ARMH3: variants seen among roughly 807,000 people sequenced by gnomAD.
ARMH3 encodes the protein armadillo like helical domain containing 3.
A neutral mutation model predicts 99.1 loss-of-function variants in ARMH3; 60 were observed. That is an observed-to-expected ratio of 0.61 (90% CI 0.49 to 0.75). ARMH3 has a LOEUF of 0.75. Ranked by LOEUF, ARMH3 falls within the 30% of genes least tolerant of loss-of-function variation. The pLI, the probability that ARMH3 is intolerant of heterozygous loss-of-function variation, is 0.00. For synonymous variants in ARMH3, 285 were observed against 292.8 expected (o/e 0.97, Z 0.27); for missense variants, 679 against 843.1 (o/e 0.81, Z 2.41).
At chr10:101,898,199 T>A (rs971897040) in intron 23 of ARMH3, among the ~76,000 whole-genome samples, 5 of 150,190 alleles carry the variant, frequency 3.3e-5, no homozygotes, top group African/African-American at 4.9e-5. Context: ...TTTTTTTTTT[T>A]AAAATTAGCT....
chr10:101,879,950 G>A (rs997075777), intron 24 of ARMH3, among the ~76,000 whole-genome samples: 9 of 152,158 alleles, frequency 5.9e-5, no homozygotes, highest in East Asian at 5.8e-4. Flanking sequence ...CACTTCTGAC[G>A]TGTCTTTCTG....
At chr10:102,000,076 G>A (rs2066317014) in intron 15 of ARMH3, among the ~76,000 whole-genome samples, 1 of 151,674 alleles carries the variant, frequency 6.6e-6, no homozygotes. Context: ...GCAAGATTCT[G>A]TCTCAAAAAA....
intron 24 of ARMH3, among the ~76,000 whole-genome samples, chr10:101,859,151 A>G (rs2066802693): frequency 1.3e-5 from 2 of 152,218 alleles, no homozygotes; most frequent in Admixed American, 6.5e-5. Context: ...AACACTAAGT[A>G]TGGTTTGGAG....
intron 8 of ARMH3, among the ~76,000 whole-genome samples, chr10:102,019,706 T>C (rs1590192355): frequency 6.6e-6 from 1 of 151,904 alleles, no homozygotes; most frequent in Non-Finnish European, 1.5e-5. Flanking sequence ...GGCGGGCGGA[T>C]CACAAGGTCA....
intron 24 of ARMH3, among the ~76,000 whole-genome samples, chr10:101,874,717 G>A (rs1289743870): frequency 6.6e-6 from 1 of 152,176 alleles, no homozygotes; most frequent in African/African-American, 2.4e-5. Context: ...ACTGAGGCAA[G>A]AATGAGAGAT....
chr10:101,896,071 CA>C (rs775081391), intron 23 of ARMH3, among the ~76,000 whole-genome samples: 14 of 149,890 alleles, frequency 9.3e-5, no homozygotes, highest in Non-Finnish European at 4.5e-5. Context: ...TACAAAATTA[CA>C]AAAAAAAAAT....
At chr10:101,859,053 C>T (rs58880399) in intron 24 of ARMH3, among the ~76,000 whole-genome samples, 39,801 of 152,074 alleles carry the variant, frequency 0.26, 5,466 homozygotes, top group East Asian at 0.49. Context: ...CTTGCCTTTA[C>T]GGAGCTAACA....
rs1438715800 is a variant in ARMH3 at position 101,975,276 on chromosome 10, T to A, written c.1431A>T (p.Lys477Asn). Residue 477 changes from lysine to asparagine, a missense_variant, in exon 20 of 26, where the codon AAA becomes AAT. Physicochemically the swap from Lys to Asn is moderately conservative, Grantham distance 94. This residue lies in a region of ARMH3 where 389 missense variants were observed against 456.5 expected (regional missense o/e 0.85). Coordinates refer to ENST00000370033, the MANE Select transcript of ARMH3 (RefSeq NM_024541.3). The part of the protein sequence containing the change: ...LYIRCIQVVH[K>N]LLCYQKKCRV... The stretch of plus-strand genomic sequence containing the variant: ...GACACTTCTTCTGGTAGCAGAGCAG[T>A]TTGTGTACTACCTGGATGCAGCGTC... 5.0e-6 allele frequency: 8 copies of A among 1,612,466 alleles called. No individual in the cohort carries two copies. The highest frequency in any genetic ancestry group is 1.7e-5 in the Admixed American group (1 of 59,944).
At chr10:101,872,376 C>A (rs2067151377) in intron 24 of ARMH3, among the ~76,000 whole-genome samples, 2 of 152,118 alleles carry the variant, frequency 1.3e-5, no homozygotes, top group South Asian at 4.1e-4. Context: ...GGACACTTCA[C>A]AAAAGAAGAT....
chr10:101,956,347 T>TTCTC (rs138724899), intron 22 of ARMH3, among the ~76,000 whole-genome samples: 1 of 150,826 alleles, frequency 6.6e-6, no homozygotes, highest in Non-Finnish European at 1.5e-5. Flanking sequence ...AGCCTCCCTA[T>TTCTC]TCTCTCTCTC....
chr10:101,969,609 G>C (rs1237377084), intron 20 of ARMH3, among the ~76,000 whole-genome samples: 1 of 152,182 alleles, frequency 6.6e-6, no homozygotes, highest in African/African-American at 2.4e-5. Flanking sequence ...ATACTCCCTG[G>C]GTTTTCCATT....
intron 2 of ARMH3, among the ~76,000 whole-genome samples, chr10:102,037,781 G>A (rs2067311709): frequency 1.3e-5 from 2 of 152,086 alleles, no homozygotes; most frequent in Admixed American, 1.3e-4. Flanking sequence ...AGAGAGGGGA[G>A]TCTCGATATG....
chr10:101,945,032 C>T (rs1590063594), intron 22 of ARMH3, among the ~76,000 whole-genome samples: 1 of 152,118 alleles, frequency 6.6e-6, no homozygotes, highest in East Asian at 1.9e-4. Flanking sequence ...GCCTCTATCT[C>T]CTGCTGATTA....
chr10:101,874,129 T>C (rs2067201735), intron 24 of ARMH3, among the ~76,000 whole-genome samples: 1 of 152,240 alleles, frequency 6.6e-6, no homozygotes, highest in South Asian at 2.1e-4. Flanking sequence ...ATATCAGCCG[T>C]TGTCTATGGC....
intron 24 of ARMH3, among the ~76,000 whole-genome samples, chr10:101,861,499 G>C (rs1429725490): frequency 6.6e-6 from 1 of 151,580 alleles, no homozygotes; most frequent in Non-Finnish European, 1.5e-5. Flanking sequence ...CTGGGAGGCT[G>C]AGGCGGACGG....
At chr10:101,876,305 T>C (rs1275796552) in intron 24 of ARMH3, among the ~76,000 whole-genome samples, 2 of 147,244 alleles carry the variant, frequency 1.4e-5, no homozygotes, top group Non-Finnish European at 3.0e-5. Flanking sequence ...TGCAGGGCAC[T>C]CTCCCTAGCT....
At chr10:101,849,575 C>A (rs1002599069) in intron 25 of ARMH3, among the ~76,000 whole-genome samples, 2 of 152,212 alleles carry the variant, frequency 1.3e-5, no homozygotes, top group Admixed American at 1.3e-4. Context: ...GTCTCCATGG[C>A]TGCAAAGGAG....
chr10:101,979,775 C>G (rs1053447263), intron 19 of ARMH3, among the ~76,000 whole-genome samples: 1 of 152,134 alleles, frequency 6.6e-6, no homozygotes, highest in Non-Finnish European at 1.5e-5. Flanking sequence ...CATTAAATGT[C>G]CACTTTAATA....
rs956931801 is a variant in ARMH3 at position 101,995,036 on chromosome 10, AAAAC to A, written c.1209+257_1209+260del. Among the ~76,000 whole-genome samples, 7 of 152,330 alleles carry A rather than the reference AAAAC, an allele frequency of 4.6e-5. No homozygotes were observed. The South Asian group carries it at 1.0e-3, about 23-fold the overall frequency. On this transcript the variant is annotated intron_variant, in intron 16 of 25. Transcript: ENST00000370033. ...GGGCAACAGAGCGATACTCCGTCTC[AAAAC>A]AAACAAACAAACAAACTGCTCCACA...
Sources: allele counts gnomAD v4.1 joint callset (sites outside exome capture counted in the v4.1 genomes callset), GRCh38; gene constraint gnomAD v4.1.1; regional missense constraint gnomAD v4.1.1; transcripts MANE v1.5; gene names NCBI Gene and HGNC (gene_info 2026-07-23, HGNC 2026-07-21).